DCAF8: variants seen among roughly 807,000 people sequenced by gnomAD.
The protein encoded by DCAF8 is DDB1- and CUL4-associated factor 8.
Under a neutral mutation model 68.0 loss-of-function variants are expected in DCAF8, and 20 were observed. The observed-to-expected ratio is 0.29, with a 90% CI of 0.21 to 0.43. The LOEUF is 0.43. DCAF8 is among the 20% of genes least tolerant of loss of function. The probability of loss-of-function intolerance (pLI) is 1.00; values close to 1 mark genes in which losing one functional copy is unlikely to be tolerated. For synonymous variants in DCAF8, 230 were observed against 276.9 expected (o/e 0.83, Z 1.68); for missense variants, 460 against 771.0 (o/e 0.60, Z 4.78).
intron 10 of DCAF8, among the ~76,000 whole-genome samples, chr1:160,223,268 G>C (rs918971011): frequency 2.6e-5 from 4 of 152,162 alleles, no homozygotes; most frequent in African/African-American, 9.7e-5. Flanking sequence ...CCACTCTCCG[G>C]AATCAGTAAA....
intron 11 of DCAF8, among the ~76,000 whole-genome samples, chr1:160,222,335 G>C (rs1451351014): frequency 6.6e-6 from 1 of 152,184 alleles, no homozygotes; most frequent in Non-Finnish European, 1.5e-5. Context: ...GGTACGCCCT[G>C]AACACTAACG....
chr1:160,240,797 T>C (rs532863172), intron 3 of DCAF8, among the ~76,000 whole-genome samples: 25 of 152,348 alleles, frequency 1.6e-4, no homozygotes, highest in African/African-American at 6.0e-4. Context: ...GCCATCTTCT[T>C]AGCGAAAGAC....
chr1:160,240,383 G>T lies in DCAF8; in HGVS notation c.50-13C>A. 6.3e-7 allele frequency: 1 copy of T among 1,598,226 alleles called. No homozygotes were observed. Among genetic ancestry groups the T allele is most frequent in the African/African-American group, 1.3e-5 (1 of 74,724 alleles). On this transcript the variant is annotated splice_polypyrimidine_tract_variant and intron_variant, in intron 3 of 13. Coordinates refer to ENST00000368074, the MANE Select transcript of DCAF8 (RefSeq NM_015726.4). ...CTAGACAGGCTTCCTGCATGTTAGTGAGGAAGGAGTAGAGGAGAGGGAAAA... is the reference window on the plus strand; with the variant it reads ...CTAGACAGGCTTCCTGCATGTTAGTTAGGAAGGAGTAGAGGAGAGGGAAAA...
intron 2 of DCAF8, among the ~76,000 whole-genome samples, chr1:160,260,785 C>G (rs1181638734): frequency 6.6e-6 from 1 of 151,280 alleles, no homozygotes; most frequent in Non-Finnish European, 1.5e-5. Context: ...ATAGACTGGA[C>G]TCAGACACCA....
intron 12 of DCAF8, 128 bp from the exon 13 acceptor site, chr1:160,218,568 A>C: frequency 1.2e-6 from 1 of 817,274 alleles, no homozygotes; most frequent in South Asian, 1.6e-5. Flanking sequence ...TTAGATTAGG[A>C]AATGATGCCC....
chr1:160,258,867 A>G (rs1222234923), intron 2 of DCAF8, among the ~76,000 whole-genome samples: 1 of 152,252 alleles, frequency 6.6e-6, no homozygotes, highest in Non-Finnish European at 1.5e-5. Flanking sequence ...CACATAAGGA[A>G]ATAAACAGTC....
chr1:160,231,418 A>T lies in DCAF8; in HGVS notation c.960-11T>A. The T allele has an allele frequency of 6.3e-7, 1 of 1,599,486 alleles. No homozygotes were observed. Reference sequence around the variant, plus strand: ...GTCACCACCAGTTTCCTTTAAGAGTAGAAAAGCACAGAAAGTTATATACTC... The same window carrying T: ...GTCACCACCAGTTTCCTTTAAGAGTTGAAAAGCACAGAAAGTTATATACTC... On this transcript the variant is annotated splice_polypyrimidine_tract_variant and intron_variant, in intron 6 of 13. Transcript: ENST00000368074.
At chr1:160,227,047 T>C (rs1655501179) in intron 7 of DCAF8, among the ~76,000 whole-genome samples, 1 of 152,232 alleles carries the variant, frequency 6.6e-6, no homozygotes, top group Non-Finnish European at 1.5e-5. Context: ...ATGAAAACTC[T>C]AGTCCCTTCT....
chr1:160,259,249 CT>C (rs1031348400), intron 2 of DCAF8, among the ~76,000 whole-genome samples: 4 of 152,174 alleles, frequency 2.6e-5, no homozygotes, highest in African/African-American at 9.7e-5. Context: ...AAAAAGAACT[CT>C]TTGGCCGGGC....
At chr1:160,237,308 G>C (rs1256819892) in intron 5 of DCAF8, 79 bp from the exon 6 acceptor site, 1 of 979,278 alleles carries the variant, frequency 1.0e-6, no homozygotes, top group African/African-American at 1.7e-5. Flanking sequence ...ATAACTTTGG[G>C]AAGGGCTGCA....
chr1:160,251,061 C>T (rs1004051636), intron 2 of DCAF8, among the ~76,000 whole-genome samples: 2 of 152,138 alleles, frequency 1.3e-5, no homozygotes, highest in African/African-American at 4.8e-5. Context: ...CAGTGCCTGC[C>T]TCATTCTGCT....
At chr1:160,245,336 A>C (rs1470746782) in intron 2 of DCAF8, among the ~76,000 whole-genome samples, 1 of 152,238 alleles carries the variant, frequency 6.6e-6, no homozygotes, top group Non-Finnish European at 1.5e-5. Flanking sequence ...AAAAGGCACT[A>C]GTAAAAGACA....
At chr1:160,238,130 T>C (rs1270484943) in intron 5 of DCAF8, among the ~76,000 whole-genome samples, 1 of 152,208 alleles carries the variant, frequency 6.6e-6, no homozygotes. Context: ...AACTGGCAGC[T>C]CTTAACTCCT....
At chr1:160,223,217 C>T (rs1416957510) in intron 10 of DCAF8, among the ~76,000 whole-genome samples, 2 of 152,210 alleles carry the variant, frequency 1.3e-5, no homozygotes, top group African/African-American at 4.8e-5. Context: ...ACAACTGCCT[C>T]GAGAAGCAAG....
At chr1:160,221,392 A>G (rs1655289561) in intron 11 of DCAF8, among the ~76,000 whole-genome samples, 1 of 152,198 alleles carries the variant, frequency 6.6e-6, no homozygotes. Flanking sequence ...GAAGAGTGAG[A>G]CACACCTTGA....
In DCAF8 at chr1:160,239,681, T is replaced by C. The variant is rs757523787; in HGVS notation, c.723+16A>G. The C allele has an allele frequency of 3.7e-6, 6 of 1,614,140 alleles. No individual in the cohort carries two copies. The South Asian group carries it at 4.4e-5, about 12-fold the overall frequency. ...TGCCTGATTCTCTCAGTTGCTATTA[T>C]GCTCCCTTGCCTCACCTGGAACACA... On this transcript the variant is annotated intron_variant, in intron 4 of 13. Transcript: ENST00000368074.
At chr1:160,236,346 G>A (rs1014879469) in intron 6 of DCAF8, among the ~76,000 whole-genome samples, 2 of 151,650 alleles carry the variant, frequency 1.3e-5, no homozygotes, top group Non-Finnish European at 2.9e-5. Context: ...GTGTGTATAT[G>A]TGTGTACATA....
At position 160,239,176 on chromosome 1, in the gene DCAF8, A is replaced by G. The variant is rs912259301; in HGVS notation, c.724-429T>C. The G allele has an allele frequency of 1.6e-5, 17 of 1,069,736 alleles. No homozygotes were observed. In the African/African-American group the frequency reaches 2.7e-4, roughly 17 times the overall value. 66.3% of individuals were successfully genotyped at this position (1,069,736 alleles called of 1,614,324 possible). Reference sequence around the variant, plus strand: ...TAAATGGCTGGTACCAGTACAGTAGATGGGGCCAAGGAGTAAAATCTTTCC... The same window carrying G: ...TAAATGGCTGGTACCAGTACAGTAGGTGGGGCCAAGGAGTAAAATCTTTCC... On this transcript the variant is annotated intron_variant, in intron 4 of 13. Transcript: ENST00000368074.
intron 7 of DCAF8, among the ~76,000 whole-genome samples, chr1:160,227,293 A>G (rs1191786856): frequency 6.6e-6 from 1 of 152,188 alleles, no homozygotes; most frequent in African/African-American, 2.4e-5. Context: ...GTAGAGAAAA[A>G]GACTTGAAAA....
Sources: allele counts gnomAD v4.1 joint callset (sites outside exome capture counted in the v4.1 genomes callset), GRCh38; gene constraint gnomAD v4.1.1; transcripts MANE v1.5; gene names NCBI Gene and HGNC (gene_info 2026-07-23, HGNC 2026-07-21).